SDHAF2: variants seen among roughly 807,000 people sequenced by gnomAD.
SDHAF2 encodes succinate dehydrogenase complex assembly factor 2.
A neutral mutation model predicts 18.5 loss-of-function variants in SDHAF2; 21 were observed. The ratio of observed to expected loss-of-function variants is 1.13; its 90% CI spans 0.80 to 1.63. The LOEUF (loss-of-function observed/expected upper bound fraction) is 1.63, where lower values mean the gene tolerates loss of function less well. Among genes scored for constraint, SDHAF2 ranks in the 40% most tolerant of loss-of-function variants. The pLI is 0.00. For synonymous variants in SDHAF2, 84 were observed against 70.7 expected, an observed-to-expected ratio of 1.19 and a Z score of -0.94; for missense variants, 195 against 200.3, an observed-to-expected ratio of 0.97 and a Z score of 0.16.
intron 1 of SDHAF2, chr11:61,431,669 C>A (rs1861919043): frequency 1.3e-5 from 2 of 151,872 alleles, no homozygotes; most frequent in South Asian, 4.2e-4. Flanking sequence ...TCAGCCACTT[C>A]ATGTCTTTTG....
intron 3 of SDHAF2, among the ~76,000 whole-genome samples, chr11:61,445,370 A>C (rs529555013): frequency 1.4e-4 from 22 of 152,302 alleles, no homozygotes; most frequent in African/African-American, 4.8e-4. Context: ...CTTTAGGCTC[A>C]TGACAGTTCT....
chr11:61,443,709 T>G (rs991509783), intron 3 of SDHAF2, among the ~76,000 whole-genome samples: 1 of 152,100 alleles, frequency 6.6e-6, no homozygotes, highest in African/African-American at 2.4e-5. Context: ...CCTCCCAGGT[T>G]CAAGCGATTC....
At chr11:61,440,299 T>TTTTTA (rs1336081099) in intron 3 of SDHAF2, among the ~76,000 whole-genome samples, 14 of 151,406 alleles carry the variant, frequency 9.2e-5, no homozygotes, top group African/African-American at 3.2e-4. Flanking sequence ...AGTGAGACTC[T>TTTTTA]TTCAAAAAAA....
At chr11:61,442,706 G>C (rs1862084029) in intron 3 of SDHAF2, among the ~76,000 whole-genome samples, 1 of 152,012 alleles carries the variant, frequency 6.6e-6, no homozygotes, top group Non-Finnish European at 1.5e-5. Flanking sequence ...TAGGATTCTA[G>C]TTATACTTAG....
chr11:61,437,037 A>G, intron 1 of SDHAF2: 1 of 1,170,524 alleles, frequency 8.5e-7, no homozygotes, highest in African/African-American at 1.6e-5. Context: ...TTCTGCTGGG[A>G]TAGTTTCTGG....
At chr11:61,430,247 C>T (rs1268455023) in intron 1 of SDHAF2, 65 bp downstream of exon 1, 2 of 1,599,904 alleles carry the variant, frequency 1.3e-6, no homozygotes, top group African/African-American at 1.3e-5. Context: ...TTGTCTTCCT[C>T]TGTGGTCTCT....
intron 3 of SDHAF2, among the ~76,000 whole-genome samples, chr11:61,439,785 C>T (rs866489221): frequency 6.6e-6 from 1 of 152,176 alleles, no homozygotes; most frequent in Admixed American, 6.5e-5. Context: ...ATAGTTCATT[C>T]TTTTGTGTTG....
At chr11:61,436,631 C>A (rs1332646606) in intron 1 of SDHAF2, 2 of 343,726 alleles carry the variant, frequency 5.8e-6, no homozygotes, top group Non-Finnish European at 1.2e-5. Context: ...ATCTCATGAT[C>A]ATGCTTGAGC....
intron 1 of SDHAF2, chr11:61,434,077 T>G (rs1861964672): frequency 6.6e-6 from 1 of 152,232 alleles, no homozygotes; most frequent in Non-Finnish European, 1.5e-5. Flanking sequence ...ACAGTTTGAT[T>G]AAAATACGTC....
intron 3 of SDHAF2, among the ~76,000 whole-genome samples, chr11:61,438,908 G>A (rs1862030810): frequency 1.3e-5 from 2 of 152,134 alleles, no homozygotes; most frequent in South Asian, 4.1e-4. Flanking sequence ...GCCGAACATG[G>A]TGGCGGACAA....
intron 3 of SDHAF2, 114 bp downstream of exon 3, chr11:61,438,227 T>C: frequency 1.2e-6 from 1 of 811,158 alleles, no homozygotes; most frequent in Non-Finnish European, 2.1e-6. Flanking sequence ...GAGACTGAGT[T>C]TCACTCTCGT....
At chr11:61,440,112 C>T (rs548972721) in intron 3 of SDHAF2, among the ~76,000 whole-genome samples, 6 of 152,100 alleles carry the variant, frequency 3.9e-5, no homozygotes, top group South Asian at 2.1e-4. Flanking sequence ...GCCAGGAGTT[C>T]GAGACCAGCC....
In SDHAF2 at chr11:61,446,398, TC is replaced by T; in HGVS notation, c.*328del. 2 of 594,148 alleles carry T rather than the reference TC, an allele frequency of 3.4e-6. No homozygotes were observed. The highest frequency in any genetic ancestry group is 6.0e-6 in the Non-Finnish European group (2 of 334,382). The allele number at this position is 594,148 out of a possible 1,614,324, so 36.8% of individuals were successfully genotyped here. A position where few individuals can be genotyped will look rare whatever the true frequency, so the allele number is the denominator to read the frequency against. The stretch of plus-strand genomic sequence containing the variant: ...GAAGCAGTTGTGCTTGCTCATTGCC[TC>T]AGCCCAAGTGTACTCAAAGAAAAGA... On this transcript the variant is annotated 3_prime_UTR_variant, in exon 4 of 4. Coordinates refer to ENST00000301761, the MANE Select transcript of SDHAF2 (RefSeq NM_017841.4).
At chr11:61,437,569 T>C in intron 1 of SDHAF2, 56 bp from the exon 2 acceptor site, 5 of 1,410,330 alleles carry the variant, frequency 3.5e-6, no homozygotes, top group Non-Finnish European at 5.0e-6. Flanking sequence ...ATTGAGTAAA[T>C]GATAGCGATG....
chr11:61,438,537 C>A (rs531005700), intron 3 of SDHAF2, among the ~76,000 whole-genome samples: 1 of 152,254 alleles, frequency 6.6e-6, no homozygotes, highest in East Asian at 1.9e-4. Flanking sequence ...AGACACTCAA[C>A]CCAAACACTG....
intron 3 of SDHAF2, among the ~76,000 whole-genome samples, chr11:61,445,334 T>C (rs1862125524): frequency 6.6e-6 from 1 of 152,236 alleles, no homozygotes; most frequent in African/African-American, 2.4e-5. Context: ...TCAGTGCCTA[T>C]GTTGCCCGTT....
Position 61,446,601 on chromosome 11 carries a change from C to T in SDHAF2, c.*530C>T. On this transcript the variant is annotated 3_prime_UTR_variant, in exon 4 of 4. Coordinates refer to ENST00000301761, the MANE Select transcript of SDHAF2 (RefSeq NM_017841.4). ...CTGAATCCTTCAAAGGCACAGCAGGCAGAATGAGGGCCACAGGCAGGAGTG... is the reference window on the plus strand; with the variant it reads ...CTGAATCCTTCAAAGGCACAGCAGGTAGAATGAGGGCCACAGGCAGGAGTG... 2 of 430,908 alleles carry T rather than the reference C, an allele frequency of 4.6e-6. No individual in the cohort carries two copies. Among genetic ancestry groups the T allele is most frequent in the Non-Finnish European group, 8.2e-6 (2 of 244,032 alleles). 26.7% of individuals were successfully genotyped at this position (430,908 alleles called of 1,614,324 possible). A position where few individuals can be genotyped will look rare whatever the true frequency, so the allele number is the denominator to read the frequency against.
At chr11:61,436,513 A>C (rs191255017) in intron 1 of SDHAF2, among the ~76,000 whole-genome samples, 37 of 152,228 alleles carry the variant, frequency 2.4e-4, no homozygotes, top group Non-Finnish European at 4.9e-4. Context: ...TTCTGTTAGC[A>C]CTTAGATTCA....
At chr11:61,438,220 A>G (rs1166190767) in intron 3 of SDHAF2, 107 bp downstream of exon 3, 3 of 824,232 alleles carry the variant, frequency 3.6e-6, no homozygotes, top group Non-Finnish European at 4.0e-6. Flanking sequence ...TTTTTTTGAG[A>G]CTGAGTTTCA....
Sources: allele counts gnomAD v4.1 joint callset (sites outside exome capture counted in the v4.1 genomes callset), GRCh38; gene constraint gnomAD v4.1.1; transcripts MANE v1.5; gene names NCBI Gene and HGNC (gene_info 2026-07-23, HGNC 2026-07-21).